The following ANKS1B variants were observed in gnomAD, a reference collection of about 807,000 sequenced individuals.
ANKS1B encodes the protein ankyrin repeat and sterile alpha motif domain containing 1B, also known as ankyrin repeat and sterile alpha motif domain-containing protein 1B.
ANKS1B carries 36 observed loss-of-function variants against 148.3 expected under a neutral mutation model. The observed-to-expected ratio is 0.24, with a 90% CI of 0.19 to 0.32. The LOEUF is 0.32. Ranked by LOEUF, ANKS1B falls within the 10% of genes least tolerant of loss-of-function variation. The probability of loss-of-function intolerance (pLI) is 1.00; values close to 1 mark genes in which losing one functional copy is unlikely to be tolerated. For missense variants in ANKS1B, 1,157 were observed against 1,542.6 expected (o/e 0.75, Z 4.19); for synonymous variants, 542 against 560.8 (o/e 0.97, Z 0.47).
In ANKS1B at chr12:98,751,234, G is replaced by A. The variant is rs1566014239; in HGVS notation, c.3747+121C>T. 7.6e-6 allele frequency: 8 copies of A among 1,046,126 alleles called. No individual in the cohort carries two copies. In the Admixed American group the frequency reaches 1.4e-4, roughly 18 times the overall value. 64.8% of individuals were successfully genotyped at this position (1,046,126 alleles called of 1,614,324 possible). Reference sequence around the variant, plus strand: ...TGGACACATGCCAGGAGGAGGCCAAGGGAAAGGATGAAGAAGAGGCCCTGG... The same window carrying A: ...TGGACACATGCCAGGAGGAGGCCAAAGGAAAGGATGAAGAAGAGGCCCTGG... On this transcript the variant is annotated intron_variant, in intron 26 of 26. Transcript: ENST00000683438. This position sits in a 1 kb window ranked among gnomAD's most constrained non-coding sequence, Gnocchi z 4.3.
intron 9 of ANKS1B, among the ~76,000 whole-genome samples, chr12:99,597,350 T>G (rs1052171753): frequency 6.6e-6 from 1 of 151,942 alleles, no homozygotes; most frequent in South Asian, 2.1e-4. Flanking sequence ...TTTGTGAAAT[T>G]TGGACATTTT....
chr12:99,371,774 C>A (rs1410277019), intron 12 of ANKS1B, among the ~76,000 whole-genome samples: 1 of 152,054 alleles, frequency 6.6e-6, no homozygotes, highest in African/African-American at 2.4e-5. Context: ...AAAAAACATT[C>A]CTGTGAAAAA....
intron 12 of ANKS1B, among the ~76,000 whole-genome samples, chr12:99,390,937 C>T (rs887633775): frequency 3.3e-5 from 5 of 152,164 alleles, no homozygotes; most frequent in African/African-American, 9.7e-5. Context: ...CAGTGCGAGG[C>T]GAGCTGAGGT....
chr12:99,039,336 C>T lies in ANKS1B; in HGVS notation c.2778+13821G>A, dbSNP rs530151489. ...TGAAGTCTGTCTCTGATGACTTTGC[C>T]TCCCACGTCTTCCTCTGTGTCTTTC... On this transcript the variant is annotated intron_variant, in intron 17 of 26. Transcript: ENST00000683438. Among the ~76,000 whole-genome samples, 34 of 152,354 alleles carry T rather than the reference C, an allele frequency of 2.2e-4. No individual in the cohort carries two copies. In the South Asian group the frequency reaches 7.0e-3, roughly 32 times the overall value.
intron 17 of ANKS1B, among the ~76,000 whole-genome samples, chr12:98,910,901 T>A (rs1023385423): frequency 2.0e-5 from 3 of 152,090 alleles, no homozygotes; most frequent in Non-Finnish European, 4.4e-5. Context: ...CAAACAAGCA[T>A]CCTAATCCTT....
chr12:99,090,522 T>C (rs2053656746), intron 15 of ANKS1B, among the ~76,000 whole-genome samples: 1 of 152,160 alleles, frequency 6.6e-6, no homozygotes, highest in African/African-American at 2.4e-5. Flanking sequence ...TCTCCACAAT[T>C]TATGTGACCT....
intron 9 of ANKS1B, among the ~76,000 whole-genome samples, chr12:99,547,471 C>A (rs943873560): frequency 6.6e-6 from 1 of 152,056 alleles, no homozygotes; most frequent in Non-Finnish European, 1.5e-5. Context: ...GGCACCAGCC[C>A]TAGAAAGAAG....
At position 99,659,216 on chromosome 12, in the gene ANKS1B, TTTACAG is replaced by T. The variant is rs1263215927; in HGVS notation, c.1129-4012_1129-4007del. Among the ~76,000 whole-genome samples the T allele has an allele frequency of 2.6e-5, 4 of 152,174 alleles. No individual in the cohort carries two copies. The East Asian group carries it at 7.7e-4, about 29-fold the overall frequency. On this transcript the variant is annotated intron_variant, in intron 8 of 26. Coordinates refer to ENST00000683438, the MANE Select transcript of ANKS1B (RefSeq NM_001352186.2). Reference sequence around the variant, plus strand: ...AAACCATAATTTTTAACTTCATTTCTTTACAGTTAAAGATTTGAAGGAAAATATTTT... The same window carrying T: ...AAACCATAATTTTTAACTTCATTTCTTTAAAGATTTGAAGGAAAATATTTT...
chr12:98,881,014 T>A (rs7961464), intron 17 of ANKS1B, among the ~76,000 whole-genome samples: 2,536 of 152,098 alleles, frequency 0.017, 67 homozygotes, highest in African/African-American at 0.058. Context: ...TTAAAAAAAA[T>A]TTTTTAATGA....
At chr12:99,289,026 C>T (rs577299469) in intron 12 of ANKS1B, among the ~76,000 whole-genome samples, 1 of 151,990 alleles carries the variant, frequency 6.6e-6, no homozygotes. Flanking sequence ...CCTATAAAAA[C>T]ATTTCACCTA....
At chr12:99,896,197 T>A (rs2093378129) in intron 1 of ANKS1B, among the ~76,000 whole-genome samples, 1 of 151,102 alleles carries the variant, frequency 6.6e-6, no homozygotes, top group African/African-American at 2.4e-5. Flanking sequence ...GTGTCCTACA[T>A]AACTGAAATT....
intron 22 of ANKS1B, among the ~76,000 whole-genome samples, chr12:98,790,102 G>T (rs1313760449): frequency 6.6e-6 from 1 of 151,836 alleles, no homozygotes; most frequent in Non-Finnish European, 1.5e-5. Flanking sequence ...AAAAATGTAT[G>T]ATTTTAATTA....
chr12:98,919,362 G>T (rs1157726057), intron 17 of ANKS1B, among the ~76,000 whole-genome samples: 1 of 152,188 alleles, frequency 6.6e-6, no homozygotes, highest in African/African-American at 2.4e-5. Context: ...CCAGTGCAAT[G>T]ACTTGAGCAC....
chr12:99,972,534 C>A (rs1303791028), intron 1 of ANKS1B, among the ~76,000 whole-genome samples: 3 of 152,162 alleles, frequency 2.0e-5, no homozygotes, highest in Admixed American at 6.5e-5. Context: ...TAACTCTCTT[C>A]AATTCCATCA....
chr12:99,690,754 G>A (rs1013138581), intron 8 of ANKS1B, among the ~76,000 whole-genome samples: 5 of 152,096 alleles, frequency 3.3e-5, no homozygotes, highest in African/African-American at 7.2e-5. Flanking sequence ...AGTGTCTGCC[G>A]GTTTTCCAGG....
intron 17 of ANKS1B, among the ~76,000 whole-genome samples, chr12:99,044,213 AT>A (rs879365227): frequency 0.024 from 3,483 of 148,156 alleles, 108 homozygotes; most frequent in African/African-American, 0.074. Context: ...CTGGATTAAA[AT>A]TTTTTTTTTT....
chr12:98,969,016 T>C (rs1171435379), intron 17 of ANKS1B, among the ~76,000 whole-genome samples: 1 of 152,194 alleles, frequency 6.6e-6, no homozygotes, highest in African/African-American at 2.4e-5. Context: ...GTTGGTTTTC[T>C]CACAGTAACA....
chr12:99,802,948 ATG>A (rs1491139362), intron 4 of ANKS1B, among the ~76,000 whole-genome samples: 49 of 151,762 alleles, frequency 3.2e-4, no homozygotes, highest in Non-Finnish European at 6.0e-4. Flanking sequence ...ATAAAATCAC[ATG>A]TAACTACTAG....
intron 14 of ANKS1B, among the ~76,000 whole-genome samples, chr12:99,162,345 CAGT>C (rs2076738684): frequency 6.6e-6 from 1 of 151,842 alleles, no homozygotes; most frequent in African/African-American, 2.4e-5. Flanking sequence ...TATAGTATAT[CAGT>C]AGATTTAAAA....
Sources: allele counts gnomAD v4.1 joint callset (sites outside exome capture counted in the v4.1 genomes callset), GRCh38; gene constraint gnomAD v4.1.1; non-coding constraint Gnocchi (gnomAD v3.1); transcripts MANE v1.5; gene names NCBI Gene and HGNC (gene_info 2026-07-23, HGNC 2026-07-21).